Variants in CMTM3 observed in about 807,000 individuals in gnomAD.
CMTM3 encodes CKLF like MARVEL transmembrane domain containing 3, also known as CKLF-like MARVEL transmembrane domain-containing protein 3.
Under a neutral mutation model 18.2 loss-of-function variants are expected in CMTM3, and 7 were observed. The observed-to-expected ratio is 0.38, with a 90% CI of 0.22 to 0.72. The LOEUF is 0.72. Ranked by LOEUF, CMTM3 falls within the 30% of genes least tolerant of loss-of-function variation. The pLI is 0.46. For missense variants in CMTM3, 227 were observed against 249.2 expected, an observed-to-expected ratio of 0.91 and a Z score of 0.60; for synonymous variants, 109 against 111.2, an observed-to-expected ratio of 0.98 and a Z score of 0.12.
Position 66,612,563 on chromosome 16 carries a change from G to A in CMTM3, c.521-46G>A, listed in dbSNP as rs372305716. On this transcript the variant is annotated intron_variant, in intron 4 of 4. Transcript: ENST00000567572. The surrounding 1 kb of genome is among the most constrained non-coding windows in gnomAD (Gnocchi z 6.0). ...TCCCCAGAGACCGTTCCCAGGCACC[G>A]CTGCCCTGAGCCTCCTGCCAAGCAT... 1.7e-4 allele frequency: 273 copies of A among 1,607,660 alleles called. No homozygotes were observed. The highest frequency in any genetic ancestry group is 4.3e-4 in the African/African-American group (32 of 74,926).
chr16:66,608,477 GC>G lies in CMTM3; in HGVS notation c.303+17del. ...CTGGCCCATGATGGTGAGGACAGGG[GC>G]CCCAGGAGGGAGGGGTGCCCTGCAC... On this transcript the variant is annotated intron_variant, in intron 2 of 4. Transcript: ENST00000567572. This position sits in a 1 kb window ranked among gnomAD's most constrained non-coding sequence, Gnocchi z 5.1. 1 of 1,613,052 alleles carries G rather than the reference GC, an allele frequency of 6.2e-7. No homozygotes were observed.
Position 66,609,843 on chromosome 16 carries a change from G to A in CMTM3, c.400-40G>A, listed in dbSNP as rs1209645139. 6.2e-7 allele frequency: 1 copy of A among 1,614,080 alleles called. No individual in the cohort carries two copies. The highest frequency in any genetic ancestry group is 1.3e-5 in the African/African-American group (1 of 74,926). The stretch of plus-strand genomic sequence containing the variant: ...TGGGGCAGCAGCCTCCCGGAGCAGG[G>A]AGTCAGCCCTGTGATGCATCCCATC... On this transcript the variant is annotated intron_variant, in intron 3 of 4. Transcript: ENST00000567572. This position sits in a 1 kb window ranked among gnomAD's most constrained non-coding sequence, Gnocchi z 4.4.
At chr16:66,604,103 A>T (rs2015024299), upstream of CMTM3, 1 of 152,920 alleles carries the variant, frequency 6.5e-6, no homozygotes, top group Non-Finnish European at 1.4e-5. Flanking sequence ...GAAGTCCTGC[A>T]GATGTGCGTG....
intron 1 of CMTM3, among the ~76,000 whole-genome samples, chr16:66,606,504 G>A (rs986434661): frequency 4.0e-5 from 6 of 151,166 alleles, no homozygotes; most frequent in Admixed American, 3.3e-4. Flanking sequence ...GGGGTGCTCT[G>A]GGGACCCCCT....
Position 66,610,866 on chromosome 16 carries a change from T to C in CMTM3, c.520+863T>C, listed in dbSNP as rs1178819542. 1.3e-5 allele frequency: 5 copies of C among 398,528 alleles called. No homozygotes were observed. The highest frequency in any genetic ancestry group is 2.2e-5 in the Non-Finnish European group (5 of 226,114). 24.7% of individuals were successfully genotyped at this position (398,528 alleles called of 1,614,324 possible). ...TCCTAACAGCCAGGTGCTGGGGCCA[T>C]GGGGATTTGTGAATCCCAGAAACCG... On this transcript the variant is annotated intron_variant, in intron 4 of 4. Coordinates refer to ENST00000567572, the MANE Select transcript of CMTM3 (RefSeq NM_181553.4). The surrounding 1 kb of genome is among the most constrained non-coding windows in gnomAD (Gnocchi z 4.6).
In CMTM3 at chr16:66,609,552, C is replaced by G; in HGVS notation, c.399+22C>G. ...TGGGGTGAGCAGCCGCCCCACCCCTCTGGAAACTGCAGATGCCCCTCTAGC... is the reference window on the plus strand; with the variant it reads ...TGGGGTGAGCAGCCGCCCCACCCCTGTGGAAACTGCAGATGCCCCTCTAGC... On this transcript the variant is annotated intron_variant, in intron 3 of 4. Coordinates refer to ENST00000567572, the MANE Select transcript of CMTM3 (RefSeq NM_181553.4). This position sits in a 1 kb window ranked among gnomAD's most constrained non-coding sequence, Gnocchi z 4.4. 1 of 1,571,748 alleles carries G rather than the reference C, an allele frequency of 6.4e-7. No individual in the cohort carries two copies. The highest frequency in any genetic ancestry group is 8.7e-7 in the Non-Finnish European group (1 of 1,155,716).
At position 66,613,056 on chromosome 16, in the gene CMTM3, C is replaced by T. The variant is rs776258837; in HGVS notation, c.*419C>T. 5.7e-6 allele frequency: 4 copies of T among 702,922 alleles called. No individual in the cohort carries two copies. The highest frequency in any genetic ancestry group is 3.0e-5 in the South Asian group (2 of 67,606). The allele number at this position is 702,922 out of a possible 1,614,324, so 43.5% of individuals were successfully genotyped here. A position where few individuals can be genotyped will look rare whatever the true frequency, so the allele number is the denominator to read the frequency against. ...GACAGAAACCATGACAGGGCTGCCC[C>T]GCCAGGCCCCGGTGGGTTTGTCTGC... On this transcript the variant is annotated 3_prime_UTR_variant, in exon 5 of 5. Transcript: ENST00000567572.
chr16:66,613,242 T>C lies in CMTM3; in HGVS notation c.*605T>C. ...GGGCTCGGCACCCATAACTAACACC[T>C]CCCACCCTTGGAAACCATGTCTTCT... On this transcript the variant is annotated 3_prime_UTR_variant, in exon 5 of 5. Coordinates refer to ENST00000567572, the MANE Select transcript of CMTM3 (RefSeq NM_181553.4). 1.5e-6 allele frequency: 1 copy of C among 661,548 alleles called. No individual in the cohort carries two copies. The allele number at this position is 661,548 out of a possible 1,614,324, so 41.0% of individuals were successfully genotyped here.
In CMTM3 at chr16:66,610,101, T is replaced by A; in HGVS notation, c.520+98T>A. The stretch of plus-strand genomic sequence containing the variant: ...TTGAGGCTGGGGTGGGATCATTTCC[T>A]CTCTCCCCATGGCAGGAAGTGTTTT... On this transcript the variant is annotated intron_variant, in intron 4 of 4. Coordinates refer to ENST00000567572, the MANE Select transcript of CMTM3 (RefSeq NM_181553.4). The surrounding 1 kb of genome is among the most constrained non-coding windows in gnomAD (Gnocchi z 4.6). The A allele has an allele frequency of 2.0e-6, 3 of 1,469,088 alleles. No homozygotes were observed. The highest frequency in any genetic ancestry group is 2.8e-6 in the Non-Finnish European group (3 of 1,068,018). 91.0% of individuals were successfully genotyped at this position (1,469,088 alleles called of 1,614,324 possible).
Position 66,612,930 on chromosome 16 carries a change from CAAG to C in CMTM3, c.*294_*296del, listed in dbSNP as rs1415391644. On this transcript the variant is annotated 3_prime_UTR_variant, in exon 5 of 5. Coordinates refer to ENST00000567572, the MANE Select transcript of CMTM3 (RefSeq NM_181553.4). The surrounding 1 kb of genome is among the most constrained non-coding windows in gnomAD (Gnocchi z 6.0). ...TTAACGTCTCTGCCAAAAACCAGCA[CAAG>C]GAGACAAAGCAGAGCCTTGTCTGTA... The C allele has an allele frequency of 4.7e-6, 3 of 634,760 alleles. No homozygotes were observed. The African/African-American group carries it at 5.5e-5, about 12-fold the overall frequency. 39.3% of individuals were successfully genotyped at this position (634,760 alleles called of 1,614,324 possible).
At chr16:66,607,280 T>G (rs565465709) in intron 1 of CMTM3, among the ~76,000 whole-genome samples, 1 of 152,170 alleles carries the variant, frequency 6.6e-6, no homozygotes, top group Non-Finnish European at 1.5e-5. Flanking sequence ...ACCTACAGAG[T>G]TGTGGGCAAG....
At position 66,610,153 on chromosome 16, in the gene CMTM3, G is replaced by C. The variant is rs1447782622; in HGVS notation, c.520+150G>C. On this transcript the variant is annotated intron_variant, in intron 4 of 4. Coordinates refer to ENST00000567572, the MANE Select transcript of CMTM3 (RefSeq NM_181553.4). The surrounding 1 kb of genome is among the most constrained non-coding windows in gnomAD (Gnocchi z 4.6). ...ACAGCCCATTCTCACCTACCCTCAT[G>C]CAGCACTGATCCAAAGCCAGTCCCA... is the stretch of plus-strand genomic sequence containing the variant. 1 of 968,972 alleles carries C rather than the reference G, an allele frequency of 1.0e-6. No homozygotes were observed. The highest frequency in any genetic ancestry group is 2.4e-5 in the Admixed American group (1 of 41,570). The allele number at this position is 968,972 out of a possible 1,614,324, so 60.0% of individuals were successfully genotyped here.
Position 66,605,243 on chromosome 16 carries a change from G to C in CMTM3, c.147+291G>C. 3.5e-6 allele frequency: 1 copy of C among 285,036 alleles called. No individual in the cohort carries two copies. The highest frequency in any genetic ancestry group is 6.1e-5 in the East Asian group (1 of 16,404). 17.7% of individuals were successfully genotyped at this position (285,036 alleles called of 1,614,324 possible). ...CCCGGGGATGTGGGTCCTGCTGTGT[G>C]AGCCAGGCGCCCCCGCCCTCTCTGG... On this transcript the variant is annotated intron_variant, in intron 1 of 4. Transcript: ENST00000567572. The surrounding 1 kb of genome is among the most constrained non-coding windows in gnomAD (Gnocchi z 4.6).
Position 66,608,677 on chromosome 16 carries a change from G to A in CMTM3, c.303+213G>A, listed in dbSNP as rs572051817. The stretch of plus-strand genomic sequence containing the variant: ...GTGGGCTGTGGTGCCTCTAGAGCAG[G>A]TCTGTGAGGCAGGGAACCCGGAGAG... On this transcript the variant is annotated intron_variant, in intron 2 of 4. Transcript: ENST00000567572. The surrounding 1 kb of genome is among the most constrained non-coding windows in gnomAD (Gnocchi z 5.1). Among the ~76,000 whole-genome samples the A allele has an allele frequency of 7.2e-5, 11 of 152,220 alleles. No homozygotes were observed. Among genetic ancestry groups the A allele is most frequent in the Non-Finnish European group, 1.5e-4 (10 of 68,044 alleles).
chr16:66,609,716 A>G lies in CMTM3; in HGVS notation c.400-167A>G, dbSNP rs1163579395. ...CCGGGGTTTTGAAAGGCTGTTTGTC[A>G]AACCAAGTTCACAGCTCATTTTCCC... On this transcript the variant is annotated intron_variant, in intron 3 of 4. Transcript: ENST00000567572. The surrounding 1 kb of genome is among the most constrained non-coding windows in gnomAD (Gnocchi z 4.4). 1.3e-6 allele frequency: 2 copies of G among 1,553,744 alleles called. No homozygotes were observed. The highest frequency in any genetic ancestry group is 1.7e-6 in the Non-Finnish European group (2 of 1,150,280).
chr16:66,606,819 CCT>C (rs1056454037), intron 1 of CMTM3, among the ~76,000 whole-genome samples: 159 of 152,274 alleles, frequency 1.0e-3, no homozygotes, highest in African/African-American at 3.6e-3. Context: ...ATGGTGAAAC[CCT>C]GTCTCTACTA....
Position 66,609,463 on chromosome 16 carries a change from T to C in CMTM3, c.332T>C (p.Leu111Pro), listed in dbSNP as rs760032543. The stretch of plus-strand genomic sequence containing the variant: ...TTCCTGCGCTGTGTCACCGCGGCCC[T>C]CATCTACTTTGCTATCTCCATCACG... ...MDFLRCVTAA[L>P]IYFAISITAI... Residue 111 changes from leucine (L) to proline (P), a missense_variant, in exon 3 of 5, where the codon CTC becomes CCC. Physicochemically the swap from Leu to Pro is moderately conservative, Grantham distance 98 (BLOSUM62 -3). Coordinates refer to ENST00000567572, the MANE Select transcript of CMTM3 (RefSeq NM_181553.4). This position sits in a 1 kb window ranked among gnomAD's most constrained non-coding sequence, Gnocchi z 4.4. 1 of 1,612,974 alleles carries C rather than the reference T, an allele frequency of 6.2e-7. No individual in the cohort carries two copies. Among genetic ancestry groups the C allele is most frequent in the Non-Finnish European group, 8.5e-7 (1 of 1,179,608 alleles).
At position 66,608,444 on chromosome 16, in the gene CMTM3, G is replaced by A; in HGVS notation, c.283G>A (p.Gly95Ser). The A allele has an allele frequency of 6.2e-7, 1 of 1,614,058 alleles. No individual in the cohort carries two copies. Among genetic ancestry groups the A allele is most frequent in the Non-Finnish European group, 8.5e-7 (1 of 1,180,044 alleles). The change falls in exon 2 of 5, where the codon GGC (glycine) becomes AGC (serine). Residue 95 changes from glycine to serine, a missense_variant. Gly to Ser is a moderately conservative substitution (Grantham distance 56, BLOSUM62 0). Coordinates refer to ENST00000567572, the MANE Select transcript of CMTM3 (RefSeq NM_181553.4). This position sits in a 1 kb window ranked among gnomAD's most constrained non-coding sequence, Gnocchi z 5.1. ...DAMQLNDKWQ[G>S]LCWPMMDFLR... ...CATGCAGCTGAATGACAAGTGGCAGGGCTTGTGCTGGCCCATGATGGTGAG... is the reference window on the plus strand; with the variant it reads ...CATGCAGCTGAATGACAAGTGGCAGAGCTTGTGCTGGCCCATGATGGTGAG...
Position 66,608,198 on chromosome 16 carries a change from G to T in CMTM3, c.148-111G>T. The stretch of plus-strand genomic sequence containing the variant: ...CCCAGCTGCGGGACTGTGAGCAGTT[G>T]GCTTCCCCTGCTGGAACCTCCTCTA... On this transcript the variant is annotated intron_variant, in intron 1 of 4. Coordinates refer to ENST00000567572, the MANE Select transcript of CMTM3 (RefSeq NM_181553.4). The surrounding 1 kb of genome is among the most constrained non-coding windows in gnomAD (Gnocchi z 5.1). The T allele has an allele frequency of 8.4e-7, 1 of 1,192,350 alleles. No individual in the cohort carries two copies. The highest frequency in any genetic ancestry group is 1.2e-6 in the Non-Finnish European group (1 of 832,076). 73.9% of individuals were successfully genotyped at this position (1,192,350 alleles called of 1,614,324 possible).
Sources: allele counts gnomAD v4.1 joint callset (sites outside exome capture counted in the v4.1 genomes callset), GRCh38; gene constraint gnomAD v4.1.1; non-coding constraint Gnocchi (gnomAD v3.1); transcripts MANE v1.5; gene names NCBI Gene and HGNC (gene_info 2026-07-23, HGNC 2026-07-21).